The following INTS4 variants were observed in gnomAD, a reference collection of about 807,000 sequenced individuals.
INTS4 encodes the protein MSTP093.
Under a neutral mutation model 119.5 loss-of-function variants are expected in INTS4, and 70 were observed. The ratio of observed to expected loss-of-function variants is 0.59; its 90% confidence interval spans 0.48 to 0.71. INTS4 has a LOEUF of 0.71. INTS4 is among the 30% of genes least tolerant of loss of function. The pLI is 0.00. For missense variants in INTS4, 867 were observed against 1,173.2 expected (o/e 0.74, Z 3.81); for synonymous variants, 316 against 419.6 (o/e 0.75, Z 3.02).
chr11:77,904,906 C>T (rs4482055), intron 16 of INTS4, among the ~76,000 whole-genome samples: 1 of 152,034 alleles, frequency 6.6e-6, no homozygotes, highest in African/African-American at 2.4e-5. Context: ...TTAAATATGG[C>T]TTAAGGAGAT....
chr11:77,877,113 A>T, downstream of INTS4: 1 of 689,494 alleles, frequency 1.5e-6, no homozygotes, highest in Non-Finnish European at 2.6e-6. Context: ...CCTCTTTCGC[A>T]CTCATGACCT....
chr11:77,975,827 G>A (rs551518879), intron 4 of INTS4, among the ~76,000 whole-genome samples: 26 of 151,870 alleles, frequency 1.7e-4, no homozygotes, highest in South Asian at 4.2e-4. Context: ...GTGGTGGCAC[G>A]CACCTGTAGT....
chr11:77,928,235 C>A, intron 11 of INTS4, 107 bp downstream of exon 11: 3 of 1,156,720 alleles, frequency 2.6e-6, no homozygotes, highest in African/African-American at 1.5e-5. Context: ...GAAAACAGAA[C>A]TGTGCTCCCT....
chr11:77,960,372 C>T lies in INTS4; in HGVS notation c.677G>A (p.Gly226Glu). Residue 226 changes from glycine (G) to glutamate (E), a missense_variant, in exon 6 of 23, where the codon GGA becomes GAA. By Grantham distance (98) the Gly-to-Glu change is moderately conservative. Coordinates refer to ENST00000534064, the MANE Select transcript of INTS4 (RefSeq NM_033547.4). ...ATAAATTGTTTGGTGTAATTTCAGT[C>T]CTCTTTCATGGAGCTGCAACTAGAT... is the stretch of plus-strand genomic sequence containing the variant. ...IKAMLQLHERGLKLHQTIYNQ... is the reference protein window; with the variant it reads ...IKAMLQLHERELKLHQTIYNQ... 1.9e-6 allele frequency: 3 copies of T among 1,600,864 alleles called. No individual in the cohort carries two copies. The highest frequency in any genetic ancestry group is 2.6e-6 in the Non-Finnish European group (3 of 1,169,724).
At chr11:77,994,169 G>A (rs950974425) in intron 1 of INTS4, among the ~76,000 whole-genome samples, 2 of 152,030 alleles carry the variant, frequency 1.3e-5, no homozygotes, top group African/African-American at 4.8e-5. Context: ...ACTGGTCCCT[G>A]GGAGGTTTTT....
At chr11:77,966,784 C>T (rs1855519807) in intron 4 of INTS4, among the ~76,000 whole-genome samples, 1 of 152,026 alleles carries the variant, frequency 6.6e-6, no homozygotes, top group African/African-American at 2.4e-5. Context: ...TTCATACAAA[C>T]TTTAAAGATT....
At chr11:77,917,358 G>T (rs1375993822) in intron 15 of INTS4, among the ~76,000 whole-genome samples, 3 of 149,994 alleles carry the variant, frequency 2.0e-5, no homozygotes, top group Non-Finnish European at 4.4e-5. Flanking sequence ...CTGTTGCCCA[G>T]ACTGGAGTGC....
chr11:77,919,538 G>A (rs1472162585), intron 14 of INTS4, among the ~76,000 whole-genome samples: 4 of 152,086 alleles, frequency 2.6e-5, no homozygotes, highest in African/African-American at 7.2e-5. Context: ...TGCCTGCCTC[G>A]GCCACCCAGA....
At chr11:77,896,652 CAAAAA>C (rs58549095) in intron 18 of INTS4, among the ~76,000 whole-genome samples, 1 of 70,672 alleles carries the variant, frequency 1.4e-5, no homozygotes. Context: ...AACTCCGTCT[CAAAAA>C]AAAAAAAAAA....
At chr11:77,881,484 G>C (rs1396491703) in intron 22 of INTS4, among the ~76,000 whole-genome samples, 5 of 152,236 alleles carry the variant, frequency 3.3e-5, no homozygotes. Flanking sequence ...ACATAGCACA[G>C]TGAGGGCTGG....
chr11:77,960,771 G>C (rs34007364), intron 5 of INTS4, among the ~76,000 whole-genome samples, 182 bp downstream of exon 5: 7 of 152,036 alleles, frequency 4.6e-5, no homozygotes, highest in African/African-American at 1.7e-4. Flanking sequence ...AGCTACCAGA[G>C]AAAGCCAAAA....
intron 15 of INTS4, among the ~76,000 whole-genome samples, chr11:77,909,128 A>C (rs1414091464): frequency 6.6e-6 from 1 of 152,240 alleles, no homozygotes; most frequent in East Asian, 1.9e-4. Flanking sequence ...TATAGCCCTG[A>C]TTGCCATTAG....
At chr11:77,948,550 G>A (rs971219374) in intron 8 of INTS4, among the ~76,000 whole-genome samples, 2 of 151,676 alleles carry the variant, frequency 1.3e-5, no homozygotes, top group African/African-American at 4.8e-5. Flanking sequence ...GGGAGGTTGG[G>A]GCACGAGAAC....
intron 8 of INTS4, among the ~76,000 whole-genome samples, chr11:77,955,222 A>G (rs1364438886): frequency 1.3e-5 from 2 of 152,192 alleles, no homozygotes; most frequent in Non-Finnish European, 2.9e-5. Flanking sequence ...CTGTAGTCCC[A>G]GCTACTCAGG....
chr11:77,904,359 A>G (rs933450509), intron 16 of INTS4, among the ~76,000 whole-genome samples: 1 of 152,262 alleles, frequency 6.6e-6, no homozygotes, highest in African/African-American at 2.4e-5. Context: ...TTTAAATTAC[A>G]AAGATGTAAG....
At chr11:77,880,760 C>CTA (rs930182047) in intron 22 of INTS4, among the ~76,000 whole-genome samples, 3 of 152,146 alleles carry the variant, frequency 2.0e-5, no homozygotes, top group East Asian at 3.8e-4. Context: ...GTGTTTGAGA[C>CTA]TAGCCTGGGC....
rs563947430 is a variant in INTS4, at chr11:77,968,283, A to G, written c.472-7145T>C. On this transcript the variant is annotated intron_variant, in intron 4 of 22. Coordinates refer to ENST00000534064, the MANE Select transcript of INTS4 (RefSeq NM_033547.4). ...GTGGGAAAATGGCATGATTTCTCCA[A>G]TTTACTTAAATGGTACATTATTCAG... Among the ~76,000 whole-genome samples, 34 of 152,336 alleles carry G rather than the reference A, an allele frequency of 2.2e-4. No homozygotes were observed. In the South Asian group the frequency reaches 5.6e-3, roughly 25 times the overall value.
intron 4 of INTS4, among the ~76,000 whole-genome samples, chr11:77,964,490 C>T (rs1163513784): frequency 9.2e-5 from 14 of 152,074 alleles, no homozygotes; most frequent in Admixed American, 3.3e-4. Context: ...AGGAGAACGG[C>T]GTGAACCCAG....
At chr11:77,971,072 T>C (rs1409529307) in intron 4 of INTS4, among the ~76,000 whole-genome samples, 1 of 152,062 alleles carries the variant, frequency 6.6e-6, no homozygotes, top group Non-Finnish European at 1.5e-5. Context: ...CCTCCCACAG[T>C]GCTGGGATTA....
Sources: gnomAD v4.1 joint callset for allele counts (sites outside exome capture counted in the v4.1 genomes callset) on GRCh38, gnomAD v4.1.1 for gene constraint, MANE v1.5 for transcripts, NCBI Gene and HGNC (gene_info 2026-07-23, HGNC 2026-07-21) for gene names.